Variants in SCPPPQ1 observed in about 807,000 individuals in gnomAD.
SCPPPQ1 encodes secretory calcium-binding phosphoprotein proline- and glutamine-rich 1.
At chr4:87,469,651 T>C in the SCPPPQ1 span, among the ~76,000 whole-genome samples, 1 of 152,332 alleles carries the variant, frequency 6.6e-6, no homozygotes, top group Non-Finnish European at 1.5e-5. Context: ...AATTTCATTC[T>C]AAAGGTCGAG....
the SCPPPQ1 span, among the ~76,000 whole-genome samples, chr4:87,464,367 C>A: frequency 2.7e-5 from 4 of 150,406 alleles, no homozygotes; most frequent in African/African-American, 9.7e-5. Flanking sequence ...TTTAAGTACC[C>A]CCCCCCAACC....
the SCPPPQ1 span, among the ~76,000 whole-genome samples, chr4:87,468,399 C>T: frequency 5.3e-5 from 8 of 152,304 alleles, no homozygotes; most frequent in South Asian, 1.7e-3. Flanking sequence ...AAGTTCTGCA[C>T]CCCAAACACA....
chr4:87,464,546 C>T, the SCPPPQ1 span, among the ~76,000 whole-genome samples: 329 of 152,088 alleles, frequency 2.2e-3, 4 homozygotes, highest in African/African-American at 7.5e-3. Flanking sequence ...TTCCTATAAT[C>T]GTAATAGGAG....
At chr4:87,461,102 ATG>A in the SCPPPQ1 span, 1 of 152,582 alleles carries the variant, frequency 6.6e-6, no homozygotes, top group Admixed American at 6.5e-5. Flanking sequence ...TGTAAAATGA[ATG>A]TTTTTTATTT....
chr4:87,467,650 C>T, the SCPPPQ1 span, among the ~76,000 whole-genome samples: 41 of 152,296 alleles, frequency 2.7e-4, no homozygotes, highest in African/African-American at 9.4e-4. Context: ...CCCCTTGTCA[C>T]GTTCCACTAT....
chr4:87,461,795 A>T, the SCPPPQ1 span, among the ~76,000 whole-genome samples: 19 of 152,322 alleles, frequency 1.2e-4, no homozygotes, highest in African/African-American at 4.6e-4. Flanking sequence ...TAATAAACTG[A>T]CTTTAAAATA....
At chr4:87,467,557 A>T in the SCPPPQ1 span, among the ~76,000 whole-genome samples, 1 of 152,258 alleles carries the variant, frequency 6.6e-6, no homozygotes, top group African/African-American at 2.4e-5. Context: ...CGGTCAAAGT[A>T]ATTCAGCACA....
the SCPPPQ1 span, among the ~76,000 whole-genome samples, chr4:87,465,490 T>C: frequency 1.4e-5 from 2 of 144,318 alleles, no homozygotes; most frequent in African/African-American, 5.3e-5. Flanking sequence ...TTTAAGTATT[T>C]CCTAAGGAAG....
the SCPPPQ1 span, among the ~76,000 whole-genome samples, chr4:87,470,627 C>A: frequency 2.6e-5 from 4 of 152,056 alleles, no homozygotes; most frequent in Middle Eastern, 6.8e-3. Flanking sequence ...AATTAACTTA[C>A]CTTGTGAGTT....
At chr4:87,467,261 G>C in the SCPPPQ1 span, among the ~76,000 whole-genome samples, 1 of 152,212 alleles carries the variant, frequency 6.6e-6, no homozygotes, top group African/African-American at 2.4e-5. Context: ...TAATGTAGTC[G>C]ACTTACAAAA....
chr4:87,468,696 G>T, the SCPPPQ1 span, among the ~76,000 whole-genome samples: 1 of 152,182 alleles, frequency 6.6e-6, no homozygotes, highest in African/African-American at 2.4e-5. Flanking sequence ...AAGCTGCCGT[G>T]ACACTTTATC....
the SCPPPQ1 span, among the ~76,000 whole-genome samples, chr4:87,468,863 G>A: frequency 1.3e-5 from 2 of 152,114 alleles, no homozygotes; most frequent in African/African-American, 4.8e-5. Context: ...ATACTTGCCA[G>A]CTTTGGCAAA....
At chr4:87,467,930 A>T in the SCPPPQ1 span, among the ~76,000 whole-genome samples, 1 of 152,358 alleles carries the variant, frequency 6.6e-6, no homozygotes, top group African/African-American at 2.4e-5. Context: ...ACAATGGCAG[A>T]CTTTTAAAAT....
the SCPPPQ1 span, among the ~76,000 whole-genome samples, chr4:87,464,001 T>G: frequency 6.6e-6 from 1 of 152,116 alleles, no homozygotes; most frequent in African/African-American, 2.4e-5. Context: ...TGCAGTAATA[T>G]TTAAGCTAAA....
chr4:87,469,160 T>C, the SCPPPQ1 span, among the ~76,000 whole-genome samples: 1 of 152,150 alleles, frequency 6.6e-6, no homozygotes, highest in Non-Finnish European at 1.5e-5. Flanking sequence ...ATGAGATGGT[T>C]TGGGGCAAGG....
chr4:87,470,819 G>A, the SCPPPQ1 span, among the ~76,000 whole-genome samples: 10 of 152,028 alleles, frequency 6.6e-5, no homozygotes, highest in African/African-American at 2.4e-4. Context: ...CTGAATTTAG[G>A]CAACTTATTT....
the SCPPPQ1 span, among the ~76,000 whole-genome samples, chr4:87,465,172 A>G: frequency 6.6e-6 from 1 of 152,218 alleles, no homozygotes; most frequent in Non-Finnish European, 1.5e-5. Context: ...TAAGGGTCAC[A>G]GGAGTTAAAG....
the SCPPPQ1 span, among the ~76,000 whole-genome samples, chr4:87,466,620 A>G: frequency 6.6e-6 from 1 of 152,236 alleles, no homozygotes; most frequent in Non-Finnish European, 1.5e-5. Context: ...AAATGCAAGC[A>G]AAGGGAAGGT....
chr4:87,469,939 A>G, the SCPPPQ1 span, among the ~76,000 whole-genome samples: 2 of 141,742 alleles, frequency 1.4e-5, no homozygotes, highest in African/African-American at 5.4e-5. Flanking sequence ...TGATCTCTAC[A>G]CACAAATCTT....
Sources: gnomAD v4.1 joint callset for allele counts (sites outside exome capture counted in the v4.1 genomes callset) on GRCh38, gnomAD v4.1.1 for gene constraint, MANE v1.5 for transcripts, NCBI Gene and HGNC (gene_info 2026-07-23, HGNC 2026-07-21) for gene names.